GPC6: variants seen among roughly 807,000 people sequenced by gnomAD.
The protein encoded by GPC6 is glypican-6.
In GPC6, 14 loss-of-function variants were observed where a neutral mutation model predicts 55.2. The observed-to-expected ratio is 0.25, with a 90% CI of 0.17 to 0.40. The LOEUF (loss-of-function observed/expected upper bound fraction) is 0.40, where lower values mean the gene tolerates loss of function less well. Ranked by LOEUF, GPC6 falls within the 10% of genes least tolerant of loss-of-function variation. The pLI, the probability that GPC6 is intolerant of heterozygous loss-of-function variation, is 1.00. For missense variants in GPC6, 641 were observed against 708.5 expected (o/e 0.90, Z 1.08); for synonymous variants, 278 against 259.6 (o/e 1.07, Z -0.68).
At position 94,404,492 on chromosome 13, in the gene GPC6, A is replaced by G. The variant is rs1396608985; in HGVS notation, c.*1275A>G. The G allele has an allele frequency of 6.6e-6, 1 of 152,174 alleles. No homozygotes were observed. The highest frequency in any genetic ancestry group is 1.9e-4 in the East Asian group (1 of 5,196). The allele number at this position is 152,174 out of a possible 1,614,324, so 9.4% of individuals were successfully genotyped here. A position where few individuals can be genotyped will look rare whatever the true frequency, so the allele number is the denominator to read the frequency against. ...CAGCTCTTCTTGTTTTGTGCTGCTC[A>G]AAGAAGGGATTCCTCAGTGATCGGT... On this transcript the variant is annotated 3_prime_UTR_variant, in exon 9 of 9. Coordinates refer to ENST00000377047, the MANE Select transcript of GPC6 (RefSeq NM_005708.5).
At chr13:93,879,797 A>G (rs1360723068) in intron 3 of GPC6, among the ~76,000 whole-genome samples, 1 of 152,106 alleles carries the variant, frequency 6.6e-6, no homozygotes, top group Non-Finnish European at 1.5e-5. Flanking sequence ...ATGGGAGAAA[A>G]TTTTCGCATC....
At chr13:93,539,726 T>C (rs919106623) in intron 1 of GPC6, among the ~76,000 whole-genome samples, 3 of 150,990 alleles carry the variant, frequency 2.0e-5, no homozygotes, top group African/African-American at 7.3e-5. Context: ...GGTTTTGCTC[T>C]TGTTGTCCAG....
At chr13:93,380,451 T>C (rs889665997) in intron 1 of GPC6, among the ~76,000 whole-genome samples, 1 of 152,126 alleles carries the variant, frequency 6.6e-6, no homozygotes, top group Non-Finnish European at 1.5e-5. Context: ...CATCCCAGGG[T>C]GATGCGTAAA....
intron 6 of GPC6, among the ~76,000 whole-genome samples, chr13:94,363,082 T>C (rs1426881663): frequency 6.6e-6 from 1 of 152,082 alleles, no homozygotes; most frequent in Non-Finnish European, 1.5e-5. Context: ...GATGTTGCCC[T>C]TCCCGTGTCC....
chr13:93,463,852 C>G (rs1050966333), intron 1 of GPC6, among the ~76,000 whole-genome samples: 4 of 151,864 alleles, frequency 2.6e-5, no homozygotes, highest in Non-Finnish European at 5.9e-5. Context: ...ATTTATTTTC[C>G]ACCCTGCTCT....
intron 7 of GPC6, among the ~76,000 whole-genome samples, chr13:94,389,615 C>G (rs915298257): frequency 6.6e-6 from 1 of 152,064 alleles, no homozygotes; most frequent in African/African-American, 2.4e-5. Flanking sequence ...TCACGCAGAC[C>G]CTTTTTCCAA....
At chr13:93,506,937 T>TGTA (rs2139378877) in intron 1 of GPC6, among the ~76,000 whole-genome samples, 1 of 148,690 alleles carries the variant, frequency 6.7e-6, no homozygotes, top group East Asian at 2.0e-4. Context: ...GGCGGGCGCC[T>TGTA]GTAGTCCCAG....
At chr13:94,289,042 C>T (rs1464563468) in intron 5 of GPC6, among the ~76,000 whole-genome samples, 1 of 149,070 alleles carries the variant, frequency 6.7e-6, no homozygotes, top group East Asian at 2.0e-4. Flanking sequence ...ACTAAAACTC[C>T]ATGAGTGACT....
intron 7 of GPC6, among the ~76,000 whole-genome samples, chr13:94,386,142 G>A (rs1357721336): frequency 7.9e-5 from 12 of 151,940 alleles, no homozygotes; most frequent in South Asian, 2.1e-4. Flanking sequence ...GGCGGATGAT[G>A]AGGTCAGCAG....
intron 4 of GPC6, among the ~76,000 whole-genome samples, chr13:94,152,670 A>C (rs996231288): frequency 6.6e-6 from 1 of 151,474 alleles, no homozygotes; most frequent in Non-Finnish European, 1.5e-5. Context: ...AAAAAAAATC[A>C]TTGTATTCCC....
At chr13:94,292,800 T>G (rs1471703766) in intron 5 of GPC6, among the ~76,000 whole-genome samples, 1 of 152,200 alleles carries the variant, frequency 6.6e-6, no homozygotes, top group East Asian at 1.9e-4. Flanking sequence ...AAAAGATTTA[T>G]TCTCACCAAG....
chr13:93,680,033 G>C (rs554338640), intron 2 of GPC6, among the ~76,000 whole-genome samples: 4 of 152,146 alleles, frequency 2.6e-5, no homozygotes, highest in African/African-American at 9.6e-5. Context: ...TAGAAACAAG[G>C]GACTCTTATG....
At chr13:94,286,300 A>G (rs1236208135) in intron 4 of GPC6, 49 bp from the exon 5 acceptor site, 1 of 1,604,808 alleles carries the variant, frequency 6.2e-7, no homozygotes, top group Non-Finnish European at 8.5e-7. Context: ...CAGGTTGGGA[A>G]CCTGGAGCTC....
intron 6 of GPC6, among the ~76,000 whole-genome samples, chr13:94,369,650 A>C (rs565257238): frequency 3.9e-5 from 6 of 152,314 alleles, no homozygotes; most frequent in Admixed American, 2.0e-4. Flanking sequence ...CCAGGTGTCC[A>C]TCTTACCTGT....
At chr13:94,311,113 A>T (rs1204164050) in intron 6 of GPC6, among the ~76,000 whole-genome samples, 1 of 152,196 alleles carries the variant, frequency 6.6e-6, no homozygotes, top group Non-Finnish European at 1.5e-5. Flanking sequence ...TACCCCCAAT[A>T]TGGGGCTGAG....
chr13:93,909,676 T>C (rs1194440648), intron 3 of GPC6, among the ~76,000 whole-genome samples: 1 of 151,854 alleles, frequency 6.6e-6, no homozygotes, highest in Non-Finnish European at 1.5e-5. Context: ...TGACCCATGA[T>C]TGGGTACTCA....
chr13:93,265,791 T>A (rs569930137), intron 1 of GPC6, among the ~76,000 whole-genome samples: 1 of 142,452 alleles, frequency 7.0e-6, no homozygotes, highest in South Asian at 2.2e-4. Context: ...TTTTATTTCT[T>A]TTTTTTCTTT....
intron 1 of GPC6, among the ~76,000 whole-genome samples, chr13:93,488,025 T>G (rs1269967964): frequency 6.6e-6 from 1 of 152,188 alleles, no homozygotes; most frequent in African/African-American, 2.4e-5. Context: ...AACGTGCAGG[T>G]TTGTTACATA....
At chr13:94,309,125 G>C (rs1211260979) in intron 6 of GPC6, among the ~76,000 whole-genome samples, 1 of 152,188 alleles carries the variant, frequency 6.6e-6, no homozygotes, top group Non-Finnish European at 1.5e-5. Context: ...AGAAGCATGT[G>C]TCTGAGAAAA....
Sources: gnomAD v4.1 joint callset for allele counts (sites outside exome capture counted in the v4.1 genomes callset) on GRCh38, gnomAD v4.1.1 for gene constraint, MANE v1.5 for transcripts, NCBI Gene and HGNC (gene_info 2026-07-23, HGNC 2026-07-21) for gene names.